Variants in RANBP17 observed in about 807,000 individuals in gnomAD.
The protein encoded by RANBP17 is RAN binding protein 17, also known as ran-binding protein 17.
A neutral mutation model predicts 141.2 loss-of-function variants in RANBP17; 158 were observed. The ratio of observed to expected loss-of-function variants is 1.12; its 90% CI spans 0.98 to 1.28. RANBP17 has a LOEUF of 1.28. Among genes scored for constraint, RANBP17 ranks in the 50% most tolerant of loss-of-function variants. The probability of loss-of-function intolerance (pLI) is 0.00; values close to 1 mark genes in which losing one functional copy is unlikely to be tolerated. For synonymous variants in RANBP17, 430 were observed against 450.0 expected, an observed-to-expected ratio of 0.96 and a Z score of 0.56; for missense variants, 1,438 against 1,290.7, an observed-to-expected ratio of 1.11 and a Z score of -1.75.
At chr5:171,121,863 T>G (rs567748923) in intron 14 of RANBP17, among the ~76,000 whole-genome samples, 5 of 152,164 alleles carry the variant, frequency 3.3e-5, no homozygotes, top group African/African-American at 1.2e-4. Context: ...ACTCCAGAGG[T>G]GCCTCTGATC....
chr5:171,107,913 C>T (rs1008033953), intron 14 of RANBP17, among the ~76,000 whole-genome samples: 7 of 152,122 alleles, frequency 4.6e-5, no homozygotes, highest in South Asian at 2.1e-4. Flanking sequence ...TAATACATGC[C>T]GTACATCTTC....
chr5:170,972,092 T>G (rs915040655), intron 14 of RANBP17, among the ~76,000 whole-genome samples: 3 of 152,120 alleles, frequency 2.0e-5, no homozygotes, highest in African/African-American at 7.2e-5. Context: ...ATTTTGTACT[T>G]TTTCTACATT....
intron 22 of RANBP17, among the ~76,000 whole-genome samples, chr5:171,227,871 A>G (rs1763975588): frequency 6.6e-6 from 1 of 152,174 alleles, no homozygotes; most frequent in Admixed American, 6.5e-5. Context: ...AGACTGGATG[A>G]CGGCACATCT....
intron 14 of RANBP17, among the ~76,000 whole-genome samples, chr5:171,106,476 C>T (rs555448557): frequency 7.2e-5 from 11 of 152,166 alleles, no homozygotes; most frequent in African/African-American, 2.4e-4. Flanking sequence ...AACTTTTTTG[C>T]ACTATATAGC....
At chr5:171,025,047 A>G (rs1781138891) in intron 14 of RANBP17, among the ~76,000 whole-genome samples, 1 of 152,106 alleles carries the variant, frequency 6.6e-6, no homozygotes, top group Non-Finnish European at 1.5e-5. Context: ...TTATGTCAGT[A>G]CTCTGGAATT....
intron 16 of RANBP17, among the ~76,000 whole-genome samples, chr5:171,178,225 T>C (rs1437801060): frequency 2.3e-5 from 3 of 128,240 alleles, no homozygotes; most frequent in Non-Finnish European, 4.7e-5. Context: ...CCTGTGTCCA[T>C]GTGTTGTCAT....
chr5:171,150,731 CT>C (rs1384903641), intron 14 of RANBP17, among the ~76,000 whole-genome samples: 1 of 152,132 alleles, frequency 6.6e-6, no homozygotes, highest in African/African-American at 2.4e-5. Context: ...TTTTACATTG[CT>C]TTTCAAAAAT....
intron 16 of RANBP17, among the ~76,000 whole-genome samples, chr5:171,173,227 G>A (rs1336849944): frequency 6.6e-6 from 1 of 151,876 alleles, no homozygotes; most frequent in East Asian, 1.9e-4. Context: ...CCTAATGCAT[G>A]TTTTGTTTTT....
intron 14 of RANBP17, among the ~76,000 whole-genome samples, chr5:170,996,369 A>G (rs189485626): frequency 7.9e-5 from 12 of 152,328 alleles, no homozygotes; most frequent in African/African-American, 2.9e-4. Flanking sequence ...AGTGATTGTC[A>G]TAATACCTGT....
intron 12 of RANBP17, among the ~76,000 whole-genome samples, chr5:170,927,672 A>G (rs1421507659): frequency 6.6e-6 from 1 of 151,354 alleles, no homozygotes. Flanking sequence ...TTTTCTTTGC[A>G]TATGTTTTAG....
chr5:171,252,325 G>A (rs1765626209), intron 24 of RANBP17: 3 of 1,544,772 alleles, frequency 1.9e-6, no homozygotes, highest in Non-Finnish European at 1.8e-6. Context: ...CCCAATGCGG[G>A]TTCATGAGAT....
intron 14 of RANBP17, among the ~76,000 whole-genome samples, chr5:171,155,094 A>AAATATATATATATAT (rs34090443): frequency 1.3e-5 from 1 of 74,988 alleles, no homozygotes; most frequent in African/African-American, 5.2e-5. Context: ...AAAAAAAAAA[A>AAATATATATATATAT]ATATATATAT....
At chr5:170,999,345 G>T (rs987204011) in intron 14 of RANBP17, among the ~76,000 whole-genome samples, 17 of 151,968 alleles carry the variant, frequency 1.1e-4, no homozygotes, top group Admixed American at 8.5e-4. Context: ...GTATAAGCTG[G>T]CTTTATTTTA....
chr5:170,974,507 A>G (rs1280427759), intron 14 of RANBP17, among the ~76,000 whole-genome samples: 1 of 152,172 alleles, frequency 6.6e-6, no homozygotes, highest in East Asian at 1.9e-4. Flanking sequence ...CTGCTCTCCC[A>G]GGATGGAATC....
At chr5:170,874,652 G>A (rs1196898281) in intron 1 of RANBP17, among the ~76,000 whole-genome samples, 1 of 80,378 alleles carries the variant, frequency 1.2e-5, no homozygotes, top group Non-Finnish European at 2.8e-5. Context: ...TTTAACCCCT[G>A]CTTTTTTTTT....
chr5:171,077,489 C>G (rs1460812214), intron 14 of RANBP17, among the ~76,000 whole-genome samples: 1 of 152,066 alleles, frequency 6.6e-6, no homozygotes, highest in African/African-American at 2.4e-5. Flanking sequence ...ACAGGTTGTT[C>G]AATATATACA....
chr5:171,037,838 G>T (rs1221179516), intron 14 of RANBP17, among the ~76,000 whole-genome samples: 2 of 152,100 alleles, frequency 1.3e-5, no homozygotes, highest in Non-Finnish European at 1.5e-5. Context: ...AGTGTAGTTT[G>T]AAGTTGGGTA....
At chr5:171,034,656 T>C (rs1287988791) in intron 14 of RANBP17, among the ~76,000 whole-genome samples, 2 of 152,212 alleles carry the variant, frequency 1.3e-5, no homozygotes, top group African/African-American at 2.4e-5. Flanking sequence ...GCACCTTCCA[T>C]GTTAAAAACA....
intron 12 of RANBP17, among the ~76,000 whole-genome samples, chr5:170,947,495 G>GA (rs1221654221): frequency 1.3e-5 from 2 of 151,522 alleles, no homozygotes; most frequent in Non-Finnish European, 2.9e-5. Flanking sequence ...AAGAAGATAG[G>GA]AAATGCTGGG....
Sources: allele counts gnomAD v4.1 joint callset (sites outside exome capture counted in the v4.1 genomes callset), GRCh38; gene constraint gnomAD v4.1.1; transcripts MANE v1.5; gene names NCBI Gene and HGNC (gene_info 2026-07-23, HGNC 2026-07-21).